The following DNAH14 variants were observed in gnomAD, a reference collection of about 807,000 sequenced individuals.
DNAH14 encodes the protein dynein axonemal heavy chain 14.
In DNAH14, 478 loss-of-function variants were observed where a neutral mutation model predicts 520.9. The ratio of observed to expected loss-of-function variants is 0.92; its 90% CI spans 0.85 to 0.99. The LOEUF is 0.99. Ranked by LOEUF, DNAH14 falls within the 50% of genes least tolerant of loss-of-function variation. DNAH14 has a pLI of 0.00. For missense variants in DNAH14, 4,831 were observed against 5,234.5 expected (o/e 0.92, Z 2.38); for synonymous variants, 1,581 against 1,757.2 (o/e 0.90, Z 2.51).
chr1:225,135,666 T>A (rs1212829773), intron 27 of DNAH14, among the ~76,000 whole-genome samples: 2 of 152,110 alleles, frequency 1.3e-5, no homozygotes, highest in Non-Finnish European at 2.9e-5. Context: ...GAGTTCTATA[T>A]ATGTCTATTA....
chr1:225,360,729 G>A lies in DNAH14; in HGVS notation c.11825G>A (p.Gly3942Glu), dbSNP rs941371754. 6.4e-7 allele frequency: 1 copy of A among 1,551,502 alleles called. No homozygotes were observed. The highest frequency in any genetic ancestry group is 1.4e-5 in the African/African-American group (1 of 73,014). Reference protein sequence around the residue: ...ILLRFAQELKGTTHHVTIISL... With the variant: ...ILLRFAQELKETTHHVTIISL... ...CTGAGATTTGCACAAGAGTTAAAAG[G>A]AACAACACATCATGTGACCATAATT... The change falls in exon 75 of 86, where the codon GGA (glycine) becomes GAA (glutamate). Residue 3942 changes from glycine (G) to glutamate (E), a missense_variant. Gly to Glu is a moderately conservative substitution (Grantham distance 98, BLOSUM62 -2). Coordinates refer to ENST00000682510, the MANE Select transcript of DNAH14 (RefSeq NM_001367479.1).
chr1:225,348,671 A>C (rs989789597), intron 71 of DNAH14, among the ~76,000 whole-genome samples: 2 of 152,240 alleles, frequency 1.3e-5, no homozygotes, highest in African/African-American at 4.8e-5. Context: ...TCAGATAAAC[A>C]AACATGAGGG....
In DNAH14 at chr1:225,181,090, G is replaced by A. The variant is rs182875192; in HGVS notation, c.5536-4201G>A. 2.2e-4 allele frequency among the ~76,000 whole-genome samples: 33 copies of A among 152,114 alleles called. 1 individual carries two copies. The highest frequency in any genetic ancestry group is 1.7e-3 in the East Asian group (9 of 5,180). ...GAGAACTTGTGATATTTGATTTTCC[G>A]TTTCAGTGCTAATTTGTATAGGATA... is the stretch of plus-strand genomic sequence containing the variant. On this transcript the variant is annotated intron_variant, in intron 36 of 85. Coordinates refer to ENST00000682510, the MANE Select transcript of DNAH14 (RefSeq NM_001367479.1).
intron 38 of DNAH14, among the ~76,000 whole-genome samples, chr1:225,199,125 C>T (rs1487817345): frequency 8.5e-5 from 13 of 152,234 alleles, no homozygotes; most frequent in African/African-American, 2.9e-4. Context: ...CTAGTTTATG[C>T]ACATAAAAGT....
rs750697230 is a variant in DNAH14 at position 225,276,016 on chromosome 1, G to T, written c.8113G>T (p.Asp2705Tyr). ...AAAAAAGATTTATCAGAATACCAGTGACTATAATAAACTTGCCAGTGTACT... is the reference window on the plus strand; with the variant it reads ...AAAAAAGATTTATCAGAATACCAGTTACTATAATAAACTTGCCAGTGTACT... ...HRKKIYQNTSDYNKLASVLDE... is the reference protein window; with the variant it reads ...HRKKIYQNTSYYNKLASVLDE... The change falls in exon 53 of 86, where the codon GAC becomes TAC. Residue 2705 changes from aspartate (D) to tyrosine (Y), a missense_variant. By Grantham distance (160) the Asp-to-Tyr change is radical (BLOSUM62 -3). Coordinates refer to ENST00000682510, the MANE Select transcript of DNAH14 (RefSeq NM_001367479.1). 8 of 409,886 alleles carry T rather than the reference G, an allele frequency of 2.0e-5. No homozygotes were observed. In the Admixed American group the frequency reaches 2.1e-4, roughly 11 times the overall value. The allele number at this position is 409,886 out of a possible 1,614,324, so 25.4% of individuals were successfully genotyped here.
At chr1:225,171,879 C>G (rs950860570) in intron 36 of DNAH14, among the ~76,000 whole-genome samples, 1 of 115,982 alleles carries the variant, frequency 8.6e-6, no homozygotes, top group Admixed American at 9.3e-5. Context: ...AAAATACTGG[C>G]AAACCGAATC....
chr1:225,338,258 G>C (rs780991371), intron 68 of DNAH14, 76 bp downstream of exon 68: 19 of 1,499,120 alleles, frequency 1.3e-5, no homozygotes, highest in Non-Finnish European at 1.6e-5. Flanking sequence ...TTGTATTTCA[G>C]TCCTGTCAAG....
chr1:225,381,524 A>C lies in DNAH14; in HGVS notation c.13022A>C (p.Glu4341Ala), dbSNP rs756383814. ...AAAGGAGAGATCATCCTCACCCAAG[A>C]ATTGGAGGAAATATTTAACTCTTTT... ...AIKGEIILTQ[E>A]LEEIFNSFLN... Residue 4341 changes from glutamate to alanine, a missense_variant, in exon 81 of 86, where the codon GAA becomes GCA. Glu to Ala is a moderately radical substitution (Grantham distance 107). Transcript: ENST00000682510. The C allele has an allele frequency of 1.5e-4, 226 of 1,546,872 alleles. No homozygotes were observed. Among genetic ancestry groups the C allele is most frequent in the Non-Finnish European group, 1.9e-4 (215 of 1,145,784 alleles).
At chr1:225,344,905 G>A (rs2095263541) in intron 69 of DNAH14, among the ~76,000 whole-genome samples, 1 of 151,954 alleles carries the variant, frequency 6.6e-6, no homozygotes, top group African/African-American at 2.4e-5. Context: ...AGTAAAGAAG[G>A]GTTTTCACCA....
At chr1:225,148,731 CATAT>C (rs2080198649) in intron 31 of DNAH14, among the ~76,000 whole-genome samples, 1 of 152,066 alleles carries the variant, frequency 6.6e-6, no homozygotes, top group Non-Finnish European at 1.5e-5. Context: ...TTGTTGCCTG[CATAT>C]ATGTCTTCTT....
chr1:225,177,920 T>A (rs2083507578), intron 36 of DNAH14, among the ~76,000 whole-genome samples: 2 of 152,044 alleles, frequency 1.3e-5, no homozygotes, highest in African/African-American at 4.8e-5. Context: ...GAACCCAGGA[T>A]GGTAGATCCA....
At chr1:225,391,626 G>A (rs779100248) in intron 83 of DNAH14, among the ~76,000 whole-genome samples, 1 of 152,100 alleles carries the variant, frequency 6.6e-6, no homozygotes, top group Non-Finnish European at 1.5e-5. Context: ...ACAGGGGTGG[G>A]GGGAGAAGGA....
chr1:225,283,346 C>T (rs6696665), intron 54 of DNAH14, among the ~76,000 whole-genome samples: 6,265 of 151,166 alleles, frequency 0.041, 425 homozygotes, highest in African/African-American at 0.14. Context: ...AAAAATAATC[C>T]ATGCAAACAA....
At chr1:224,946,035 A>G (rs1411716767) in intron 1 of DNAH14, among the ~76,000 whole-genome samples, 2 of 152,254 alleles carry the variant, frequency 1.3e-5, no homozygotes, top group Non-Finnish European at 2.9e-5. Flanking sequence ...GGGACATTTA[A>G]GTCTGCAGAG....
chr1:225,252,824 A>G (rs2092606221), intron 44 of DNAH14, among the ~76,000 whole-genome samples: 1 of 152,202 alleles, frequency 6.6e-6, no homozygotes, highest in Admixed American at 6.5e-5. Context: ...AAGAATAATC[A>G]TAGTTTCACA....
chr1:225,224,885 A>G (rs2090393959), intron 41 of DNAH14, among the ~76,000 whole-genome samples: 1 of 152,094 alleles, frequency 6.6e-6, no homozygotes, highest in Non-Finnish European at 1.5e-5. Flanking sequence ...GAACCTTGAA[A>G]CAGCCCTCAT....
Position 225,050,272 on chromosome 1 carries a change from A to T in DNAH14, c.1975A>T (p.Met659Leu), listed in dbSNP as rs1446383032. Reference sequence around the variant, plus strand: ...TATCTTCATTGATTTGGTTTCAATAATGGATTTACCTAATAAGACAGGAAG... The same window carrying T: ...TATCTTCATTGATTTGGTTTCAATATTGGATTTACCTAATAAGACAGGAAG... ...LSIFIDLVSIMDLPNKTGSII... is the reference protein window; with the variant it reads ...LSIFIDLVSILDLPNKTGSII... The change falls in exon 16 of 86, where the codon ATG (methionine) becomes TTG (leucine). Residue 659 changes from methionine (M) to leucine (L), a missense_variant. By Grantham distance (15) the Met-to-Leu change is conservative (BLOSUM62 2). Transcript: ENST00000682510. 2.6e-6 allele frequency: 4 copies of T among 1,550,206 alleles called. No individual in the cohort carries two copies. The highest frequency in any genetic ancestry group is 3.5e-6 in the Non-Finnish European group (4 of 1,146,572).
In DNAH14 at chr1:225,132,856, G is replaced by A. The variant is rs115553428; in HGVS notation, c.4255-7912G>A. On this transcript the variant is annotated intron_variant, in intron 27 of 85. Transcript: ENST00000682510. ...ACCAGCAGTGTAGCAGCATATAAAT[G>A]TTCCCTTTTCTCCACAACCTCACCA... Among the ~76,000 whole-genome samples, 764 of 152,122 alleles carry A rather than the reference G, an allele frequency of 5.0e-3. 6 individuals are homozygous for A. Among genetic ancestry groups the A allele is most frequent in the African/African-American group, 0.017 (720 of 41,518 alleles).
chr1:224,991,954 A>G (rs1432604953), intron 8 of DNAH14, among the ~76,000 whole-genome samples: 1 of 152,192 alleles, frequency 6.6e-6, no homozygotes, highest in Non-Finnish European at 1.5e-5. Flanking sequence ...TCTTCTGCAT[A>G]TGGATGTCCA....
Sources: gnomAD v4.1 joint callset for allele counts (sites outside exome capture counted in the v4.1 genomes callset) on GRCh38, gnomAD v4.1.1 for gene constraint, MANE v1.5 for transcripts, NCBI Gene and HGNC (gene_info 2026-07-23, HGNC 2026-07-21) for gene names.